The following FSTL5 variants were observed in gnomAD, a reference collection of about 807,000 sequenced individuals.
FSTL5 encodes follistatin-related protein 5.
A neutral mutation model predicts 89.1 loss-of-function variants in FSTL5; 62 were observed. That is an observed-to-expected ratio of 0.70 (90% confidence interval 0.57 to 0.86). The LOEUF (loss-of-function observed/expected upper bound fraction) is 0.86. Ranked by LOEUF, FSTL5 falls within the 40% of genes least tolerant of loss-of-function variation. The pLI is 0.00. For missense variants in FSTL5, 1,057 were observed against 1,001.6 expected, an observed-to-expected ratio of 1.06 and a Z score of -0.75; for synonymous variants, 383 against 346.2, an observed-to-expected ratio of 1.11 and a Z score of -1.18.
chr4:161,898,630 C>A (rs1288895114), intron 4 of FSTL5, among the ~76,000 whole-genome samples: 66 of 128,248 alleles, frequency 5.1e-4, no homozygotes, highest in Non-Finnish European at 1.6e-5. Context: ...GTATTATATT[C>A]TTTTTTTTTT....
chr4:161,902,770 AC>A (rs1250488454), intron 4 of FSTL5, among the ~76,000 whole-genome samples: 1 of 151,830 alleles, frequency 6.6e-6, no homozygotes. Context: ...AATGGCGTGA[AC>A]CCGGGAGGCG....
chr4:161,692,807 T>TC (rs1272337728), intron 6 of FSTL5, among the ~76,000 whole-genome samples: 2 of 152,096 alleles, frequency 1.3e-5, no homozygotes, highest in Non-Finnish European at 2.9e-5. Flanking sequence ...CACTGCAACC[T>TC]CCAACTCCCT....
intron 1 of FSTL5, among the ~76,000 whole-genome samples, chr4:162,133,692 C>T (rs1184261318): frequency 6.6e-6 from 1 of 152,066 alleles, no homozygotes; most frequent in East Asian, 1.9e-4. Flanking sequence ...TGAAAGTCTA[C>T]CATAAAATGA....
At chr4:162,016,466 A>G (rs757658039) in intron 3 of FSTL5, among the ~76,000 whole-genome samples, 11 of 152,172 alleles carry the variant, frequency 7.2e-5, no homozygotes, top group Non-Finnish European at 1.2e-4. Context: ...CAACATTACA[A>G]CCAGGCTCTG....
chr4:162,060,647 G>T, intron 2 of FSTL5, among the ~76,000 whole-genome samples: 1 of 149,990 alleles, frequency 6.7e-6, no homozygotes. Context: ...AACTTCTCTG[G>T]ATTGTTATTT....
chr4:162,084,967 C>A (rs1021741201), intron 2 of FSTL5, among the ~76,000 whole-genome samples: 1 of 151,936 alleles, frequency 6.6e-6, no homozygotes, highest in African/African-American at 2.4e-5. Context: ...AATTACTAAA[C>A]CATATCACTT....
chr4:161,912,932 T>C (rs1579188542), intron 4 of FSTL5, among the ~76,000 whole-genome samples: 1 of 152,292 alleles, frequency 6.6e-6, no homozygotes, highest in East Asian at 1.9e-4. Flanking sequence ...ACTCTTTTTA[T>C]GTTTTAGCAA....
intron 15 of FSTL5, among the ~76,000 whole-genome samples, chr4:161,449,637 T>C (rs555453724): frequency 6.6e-6 from 1 of 152,256 alleles, no homozygotes; most frequent in South Asian, 2.1e-4. Flanking sequence ...TTGGATTAAA[T>C]CTGTTTGTAG....
intron 4 of FSTL5, among the ~76,000 whole-genome samples, chr4:161,818,258 G>A (rs531394097): frequency 6.6e-6 from 1 of 152,248 alleles, no homozygotes; most frequent in Non-Finnish European, 1.5e-5. Context: ...TGAGCAGCCC[G>A]ACTCCAGAGG....
chr4:162,024,339 A>G (rs1038594941), intron 3 of FSTL5, among the ~76,000 whole-genome samples: 4 of 152,336 alleles, frequency 2.6e-5, no homozygotes, highest in South Asian at 4.1e-4. Context: ...AAAATAACAC[A>G]GAACTTGGAA....
At chr4:161,798,441 G>C (rs945483970) in intron 4 of FSTL5, among the ~76,000 whole-genome samples, 6 of 150,532 alleles carry the variant, frequency 4.0e-5, no homozygotes, top group Non-Finnish European at 7.4e-5. Context: ...TTTTTTTGCA[G>C]GGTGAAAAAA....
intron 6 of FSTL5, among the ~76,000 whole-genome samples, chr4:161,754,547 A>G (rs1000895040): frequency 2.0e-5 from 3 of 152,192 alleles, no homozygotes; most frequent in Non-Finnish European, 4.4e-5. Context: ...AAAGTAATTT[A>G]TTATTTAACT....
At chr4:161,484,719 G>T (rs930742129) in intron 12 of FSTL5, among the ~76,000 whole-genome samples, 2 of 152,128 alleles carry the variant, frequency 1.3e-5, no homozygotes, top group African/African-American at 2.4e-5. Flanking sequence ...TCATTGGAAA[G>T]CATTTATTGA....
chr4:161,918,345 T>C (rs1219111099), intron 4 of FSTL5, among the ~76,000 whole-genome samples: 1 of 152,138 alleles, frequency 6.6e-6, no homozygotes, highest in Non-Finnish European at 1.5e-5. Flanking sequence ...ACCCATAATT[T>C]CTGAGACCTG....
chr4:161,820,772 C>T (rs1253406703), intron 4 of FSTL5, among the ~76,000 whole-genome samples: 1 of 152,106 alleles, frequency 6.6e-6, no homozygotes, highest in Non-Finnish European at 1.5e-5. Flanking sequence ...TATATTACTA[C>T]TTGAGAACCA....
intron 10 of FSTL5, among the ~76,000 whole-genome samples, chr4:161,513,528 C>A (rs1353481171): frequency 6.6e-6 from 1 of 152,118 alleles, no homozygotes; most frequent in African/African-American, 2.4e-5. Context: ...ATTATAAAGA[C>A]ACATGCACAC....
chr4:161,787,229 C>A (rs1741937423), intron 4 of FSTL5, among the ~76,000 whole-genome samples: 1 of 151,864 alleles, frequency 6.6e-6, no homozygotes. Flanking sequence ...TGTGGAATAT[C>A]CTGGTAGAGG....
intron 7 of FSTL5, among the ~76,000 whole-genome samples, chr4:161,634,509 A>G (rs1371590366): frequency 6.6e-6 from 1 of 152,198 alleles, no homozygotes; most frequent in Non-Finnish European, 1.5e-5. Flanking sequence ...TCAACTGACA[A>G]ATGGATAAAG....
intron 12 of FSTL5, among the ~76,000 whole-genome samples, chr4:161,482,048 T>C (rs540357209): frequency 6.6e-6 from 1 of 152,222 alleles, no homozygotes; most frequent in African/African-American, 2.4e-5. Context: ...AGGCCGGGCG[T>C]GGTGGCTCAC....
Sources: gnomAD v4.1 joint callset for allele counts (sites outside exome capture counted in the v4.1 genomes callset) on GRCh38, gnomAD v4.1.1 for gene constraint, MANE v1.5 for transcripts, NCBI Gene and HGNC (gene_info 2026-07-23, HGNC 2026-07-21) for gene names.